Variants in SLC9C1 observed in about 807,000 individuals in gnomAD.
SLC9C1 encodes solute carrier family 9 member C1, also known as sodium/hydrogen exchanger 10.
A neutral mutation model predicts 140.9 loss-of-function variants in SLC9C1; 97 were observed. The observed-to-expected ratio is 0.69, with a 90% CI of 0.58 to 0.82. The LOEUF (loss-of-function observed/expected upper bound fraction) is 0.82, where lower values mean the gene tolerates loss of function less well. SLC9C1 is among the 40% of genes least tolerant of loss of function. SLC9C1 has a pLI of 0.00. For synonymous variants in SLC9C1, 440 were observed against 442.6 expected (o/e 0.99, Z 0.07); for missense variants, 1,340 against 1,389.3 (o/e 0.96, Z 0.56).
chr3:112,285,108 T>C (rs1181935549), intron 2 of SLC9C1, among the ~76,000 whole-genome samples: 1 of 149,560 alleles, frequency 6.7e-6, no homozygotes, highest in African/African-American at 2.5e-5. Context: ...AGCCTCAGCC[T>C]TCTGAGTAGC....
intron 2 of SLC9C1, among the ~76,000 whole-genome samples, chr3:112,285,145 C>T (rs1282356925): frequency 6.6e-6 from 1 of 151,790 alleles, no homozygotes; most frequent in African/African-American, 2.4e-5. Context: ...TGCCACCATG[C>T]CTGGCTAATT....
intron 13 of SLC9C1, among the ~76,000 whole-genome samples, chr3:112,227,494 C>T (rs1465826155): frequency 6.8e-6 from 1 of 146,932 alleles, no homozygotes; most frequent in African/African-American, 2.5e-5. Flanking sequence ...GCCATTTGAT[C>T]ATCTGAATAG....
intron 3 of SLC9C1, among the ~76,000 whole-genome samples, chr3:112,279,121 G>T (rs2080294352): frequency 6.6e-6 from 1 of 152,134 alleles, no homozygotes; most frequent in Non-Finnish European, 1.5e-5. Context: ...TGTTTAACAT[G>T]AGATATTTAG....
chr3:112,168,064 C>G (rs570132709), intron 25 of SLC9C1, among the ~76,000 whole-genome samples: 1 of 152,056 alleles, frequency 6.6e-6, no homozygotes, highest in African/African-American at 2.4e-5. Context: ...CAAAATCTAC[C>G]CTGTAAGTGC....
chr3:112,212,334 C>T (rs1451365775), intron 15 of SLC9C1, among the ~76,000 whole-genome samples: 1 of 152,152 alleles, frequency 6.6e-6, no homozygotes, highest in Non-Finnish European at 1.5e-5. Flanking sequence ...TCCTCACCAG[C>T]AACAGAACAA....
chr3:112,149,045 G>A (rs1343316754), intron 28 of SLC9C1, among the ~76,000 whole-genome samples: 3 of 152,158 alleles, frequency 2.0e-5, no homozygotes, highest in African/African-American at 7.2e-5. Context: ...TCTCTGCACA[G>A]GAGGGGTAGG....
At chr3:112,166,991 A>G (rs1015287106) in intron 26 of SLC9C1, among the ~76,000 whole-genome samples, 3 of 152,218 alleles carry the variant, frequency 2.0e-5, no homozygotes, top group East Asian at 3.9e-4. Flanking sequence ...CTTTTTTCAT[A>G]TCATTTTGAT....
chr3:112,267,362 G>T (rs2079947985), intron 7 of SLC9C1, among the ~76,000 whole-genome samples: 2 of 151,830 alleles, frequency 1.3e-5, no homozygotes, highest in South Asian at 2.1e-4. Context: ...GGATCATGAG[G>T]TCAGGAGATT....
chr3:112,164,964 T>C (rs1560019158), intron 26 of SLC9C1, among the ~76,000 whole-genome samples: 3 of 152,226 alleles, frequency 2.0e-5, no homozygotes, highest in Admixed American at 6.5e-5. Flanking sequence ...GGAGGCTTTA[T>C]TCATTTCTTT....
intron 26 of SLC9C1, among the ~76,000 whole-genome samples, chr3:112,162,482 G>A (rs6782851): frequency 6.6e-6 from 1 of 152,092 alleles, no homozygotes; most frequent in Non-Finnish European, 1.5e-5. Context: ...TAGCATGAAG[G>A]GTTGTTGGAT....
chr3:112,189,774 T>G (rs930795396), intron 20 of SLC9C1, among the ~76,000 whole-genome samples: 2 of 152,178 alleles, frequency 1.3e-5, no homozygotes, highest in Non-Finnish European at 2.9e-5. Flanking sequence ...GTGAAGAAAG[T>G]TATTGGTAGC....
At chr3:112,170,525 C>T (rs2107923873) in intron 23 of SLC9C1, among the ~76,000 whole-genome samples, 1 of 152,104 alleles carries the variant, frequency 6.6e-6, no homozygotes, top group East Asian at 1.9e-4. Context: ...TAGATACAAA[C>T]CCATTATCAG....
At chr3:112,208,450 A>G (rs1389306686) in intron 15 of SLC9C1, 77 bp from the exon 16 acceptor site, 3 of 1,006,490 alleles carry the variant, frequency 3.0e-6, no homozygotes, top group Non-Finnish European at 4.2e-6. Context: ...TTTCTGTTCT[A>G]CTTATCAACA....
chr3:112,218,812 G>A (rs4383485), intron 14 of SLC9C1, among the ~76,000 whole-genome samples: 151,389 of 152,272 alleles, frequency 0.99, 75,264 homozygotes, highest in East Asian at 1. Flanking sequence ...GTGACACTTT[G>A]CAGCACAAAT....
intron 13 of SLC9C1, among the ~76,000 whole-genome samples, chr3:112,224,751 G>A (rs1284700084): frequency 1.4e-5 from 2 of 147,806 alleles, no homozygotes; most frequent in African/African-American, 5.0e-5. Flanking sequence ...AGACAAAAGA[G>A]AAAGAAAAAA....
At chr3:112,239,114 G>A (rs886627285) in intron 12 of SLC9C1, among the ~76,000 whole-genome samples, 2 of 152,226 alleles carry the variant, frequency 1.3e-5, no homozygotes, top group African/African-American at 2.4e-5. Flanking sequence ...CCCAGTTCGA[G>A]CTTCCTGGTG....
intron 7 of SLC9C1, among the ~76,000 whole-genome samples, chr3:112,266,642 G>C (rs2079926549): frequency 6.6e-6 from 1 of 152,174 alleles, no homozygotes; most frequent in African/African-American, 2.4e-5. Flanking sequence ...GGGTTCTGGA[G>C]GGTTGAAATG....
intron 23 of SLC9C1, among the ~76,000 whole-genome samples, chr3:112,171,023 AGCCAACATG>A (rs1408568431): frequency 6.6e-6 from 1 of 152,074 alleles, no homozygotes; most frequent in African/African-American, 2.4e-5. Context: ...AGACCAGCCT[AGCCAACATG>A]GCGAAATGCC....
intron 4 of SLC9C1, 67 bp from the exon 5 acceptor site, chr3:112,277,927 T>C: frequency 7.4e-7 from 1 of 1,359,192 alleles, no homozygotes; most frequent in Non-Finnish European, 1.0e-6. Flanking sequence ...AAGAAAATAA[T>C]CAGGATTATT....
Sources: allele counts gnomAD v4.1 joint callset (sites outside exome capture counted in the v4.1 genomes callset), GRCh38; gene constraint gnomAD v4.1.1; transcripts MANE v1.5; gene names NCBI Gene and HGNC (gene_info 2026-07-23, HGNC 2026-07-21).